Variants in KSR2 observed in about 807,000 individuals in gnomAD.
KSR2 encodes the protein kinase suppressor of ras 2.
Under a neutral mutation model 107.8 loss-of-function variants are expected in KSR2, and 25 were observed. The observed-to-expected ratio is 0.23, with a 90% CI of 0.17 to 0.32. The LOEUF is 0.32. KSR2 is among the 10% of genes least tolerant of loss of function. The pLI is 1.00. For missense variants in KSR2, 887 were observed against 1,268.9 expected, an observed-to-expected ratio of 0.70 and a Z score of 4.57; for synonymous variants, 480 against 507.0, an observed-to-expected ratio of 0.95 and a Z score of 0.71.
chr12:117,586,293 T>C (rs1417425129), intron 5 of KSR2, among the ~76,000 whole-genome samples: 1 of 151,050 alleles, frequency 6.6e-6, no homozygotes, highest in African/African-American at 2.4e-5. Context: ...AAATAAGAAA[T>C]AAGAAAAATA....
chr12:117,558,530 G>C lies in KSR2; in HGVS notation c.1369C>G (p.His457Asp). Reference sequence around the variant, plus strand: ...CCTCCTCGGTGGATGATCAGAAGATGACAGGGTGGGGCTTCTTTGGTGCAT... The same window carrying C: ...CCTCCTCGGTGGATGATCAGAAGATCACAGGGTGGGGCTTCTTTGGTGCAT... ...NKCTKEAPPC[H>D]LLIIHRGDPA... The change falls in exon 8 of 20, where the codon CAT (histidine) becomes GAT (aspartate). Residue 457 changes from histidine (H) to aspartate (D), a missense_variant. His to Asp is a moderately conservative substitution (Grantham distance 81). Coordinates refer to ENST00000339824, the MANE Select transcript of KSR2 (RefSeq NM_173598.6). 1 of 1,613,938 alleles carries C rather than the reference G, an allele frequency of 6.2e-7. No individual in the cohort carries two copies. Among genetic ancestry groups the C allele is most frequent in the Non-Finnish European group, 8.5e-7 (1 of 1,179,850 alleles).
At chr12:117,824,215 TAGAG>T (rs1238493829) in intron 3 of KSR2, among the ~76,000 whole-genome samples, 1 of 146,250 alleles carries the variant, frequency 6.8e-6, no homozygotes, top group East Asian at 2.0e-4. Context: ...CTCATGAAGA[TAGAG>T]AGTAGACTGG....
intron 1 of KSR2, among the ~76,000 whole-genome samples, chr12:117,938,363 G>C (rs1179202641): frequency 6.6e-6 from 1 of 151,968 alleles, no homozygotes; most frequent in Non-Finnish European, 1.5e-5. Context: ...TTTCAAAGCA[G>C]ACATCATAGG....
chr12:117,930,599 G>C (rs978075344), intron 1 of KSR2, among the ~76,000 whole-genome samples: 1 of 152,096 alleles, frequency 6.6e-6, no homozygotes, highest in Admixed American at 6.6e-5. Flanking sequence ...CTAAATTCTC[G>C]CTGTAGTTAT....
chr12:117,483,861 T>C (rs946296279), intron 16 of KSR2, among the ~76,000 whole-genome samples: 1 of 152,204 alleles, frequency 6.6e-6, no homozygotes, highest in Non-Finnish European at 1.5e-5. Context: ...TCTCATTTTA[T>C]CCTCACGAGA....
At chr12:117,898,312 G>A (rs1894575138) in intron 1 of KSR2, among the ~76,000 whole-genome samples, 1 of 151,858 alleles carries the variant, frequency 6.6e-6, no homozygotes, top group South Asian at 2.1e-4. Flanking sequence ...TTTTTATGTG[G>A]CTGTTTGTCT....
intron 3 of KSR2, among the ~76,000 whole-genome samples, chr12:117,848,841 G>GTGGTGGTGA (rs1555249536): frequency 2.7e-4 from 38 of 141,872 alleles, no homozygotes; most frequent in South Asian, 1.7e-3. Flanking sequence ...GGTAGTGGTG[G>GTGGTGGTGA]TGATGGTGAT....
intron 3 of KSR2, among the ~76,000 whole-genome samples, chr12:117,815,990 AGTGTGT>A (rs35013081): frequency 0.026 from 3,002 of 113,506 alleles, 61 homozygotes; most frequent in African/African-American, 0.051. Flanking sequence ...AAAAAAATAA[AGTGTGT>A]GTGTGTGTGT....
chr12:117,759,856 C>T (rs1888932171), intron 4 of KSR2, among the ~76,000 whole-genome samples: 2 of 152,202 alleles, frequency 1.3e-5, no homozygotes, highest in South Asian at 4.1e-4. Flanking sequence ...GCCTGTAATC[C>T]CAGCACTTTG....
intron 3 of KSR2, among the ~76,000 whole-genome samples, chr12:117,834,070 G>A (rs1248170556): frequency 6.6e-6 from 1 of 151,972 alleles, no homozygotes; most frequent in Non-Finnish European, 1.5e-5. Flanking sequence ...GAGCCTGGCA[G>A]GCAAAGGTTG....
At chr12:117,631,254 T>C (rs1882793184) in intron 5 of KSR2, among the ~76,000 whole-genome samples, 1 of 152,184 alleles carries the variant, frequency 6.6e-6, no homozygotes. Context: ...CAAGCTATGA[T>C]CACTCCACTG....
intron 4 of KSR2, among the ~76,000 whole-genome samples, chr12:117,704,309 T>C (rs1440151885): frequency 2.6e-5 from 4 of 151,954 alleles, no homozygotes; most frequent in Non-Finnish European, 5.9e-5. Flanking sequence ...GAAAAGCATG[T>C]TTTCAGTGTG....
Position 117,606,417 on chromosome 12 carries a change from C to A in KSR2, c.1172-24058G>T, listed in dbSNP as rs1367238148. ...CCTCCCTCCTCTCCTTCCTCCCTCCCTCCCCTCCTTCCTCCCTCCCTCCCC... is the reference window on the plus strand; with the variant it reads ...CCTCCCTCCTCTCCTTCCTCCCTCCATCCCCTCCTTCCTCCCTCCCTCCCC... On this transcript the variant is annotated intron_variant, in intron 5 of 19. Coordinates refer to ENST00000339824, the MANE Select transcript of KSR2 (RefSeq NM_173598.6). Among the ~76,000 whole-genome samples, 77 of 75,132 alleles carry A rather than the reference C, an allele frequency of 1.0e-3. 2 individuals carry two copies. The highest frequency in any genetic ancestry group is 4.1e-3 in the African/African-American group (67 of 16,242). The allele number at this position is 75,132 out of a possible 152,430, so 49.3% of individuals were successfully genotyped here.
At chr12:117,625,599 G>A (rs79178394) in intron 5 of KSR2, among the ~76,000 whole-genome samples, 4 of 152,178 alleles carry the variant, frequency 2.6e-5, no homozygotes, top group Non-Finnish European at 5.9e-5. Flanking sequence ...GCTGGATTTG[G>A]TTTGCCAGTA....
At chr12:117,887,446 G>A (rs1462565203) in intron 1 of KSR2, among the ~76,000 whole-genome samples, 3 of 152,222 alleles carry the variant, frequency 2.0e-5, no homozygotes, top group African/African-American at 7.2e-5. Flanking sequence ...GGCCAGGAGG[G>A]AGAGGTTCAG....
At chr12:117,660,523 C>T (rs1884391419) in intron 5 of KSR2, among the ~76,000 whole-genome samples, 1 of 152,080 alleles carries the variant, frequency 6.6e-6, no homozygotes, top group Non-Finnish European at 1.5e-5. Flanking sequence ...ATGAGGACAC[C>T]AGTCATACTG....
At chr12:117,480,219 TGC>T (rs1316565950) in intron 16 of KSR2, among the ~76,000 whole-genome samples, 1 of 152,174 alleles carries the variant, frequency 6.6e-6, no homozygotes, top group East Asian at 1.9e-4. Flanking sequence ...GAAGCTTCTC[TGC>T]TCCCATCTTT....
At chr12:117,725,084 TCA>T (rs35413272) in intron 4 of KSR2, among the ~76,000 whole-genome samples, 43,024 of 120,998 alleles carry the variant, frequency 0.36, 6,536 homozygotes, top group Admixed American at 0.46. Context: ...TCTCTCTCTC[TCA>T]CACACACACA....
At chr12:117,796,845 A>G (rs752862331) in intron 3 of KSR2, among the ~76,000 whole-genome samples, 3 of 152,208 alleles carry the variant, frequency 2.0e-5, no homozygotes, top group Non-Finnish European at 4.4e-5. Context: ...ATTCAGTCCC[A>G]GACCTGCTGC....
Sources: gnomAD v4.1 joint callset for allele counts (sites outside exome capture counted in the v4.1 genomes callset) on GRCh38, gnomAD v4.1.1 for gene constraint, MANE v1.5 for transcripts, NCBI Gene and HGNC (gene_info 2026-07-23, HGNC 2026-07-21) for gene names.